The following CDK17 variants were observed in gnomAD, a reference collection of about 807,000 sequenced individuals.
CDK17 encodes the protein cyclin dependent kinase 17.
Under a neutral mutation model 77.6 loss-of-function variants are expected in CDK17, and 24 were observed. That is an observed-to-expected ratio of 0.31 (90% CI 0.22 to 0.44). The LOEUF is 0.44. Ranked by LOEUF, CDK17 falls within the 20% of genes least tolerant of loss-of-function variation. The pLI is 1.00. For synonymous variants in CDK17, 203 were observed against 210.4 expected (o/e 0.96, Z 0.30); for missense variants, 429 against 622.5 (o/e 0.69, Z 3.31).
intron 4 of CDK17, among the ~76,000 whole-genome samples, chr12:96,312,431 T>G: frequency 6.6e-6 from 1 of 152,180 alleles, no homozygotes; most frequent in African/African-American, 2.4e-5. Flanking sequence ...AAATCATCTA[T>G]AAGGTGAAGA....
At chr12:96,288,101 A>G (rs966835304) in intron 11 of CDK17, among the ~76,000 whole-genome samples, 2 of 152,190 alleles carry the variant, frequency 1.3e-5, no homozygotes, top group African/African-American at 2.4e-5. Context: ...GGAGGTAGAT[A>G]GATAGTGGTG....
Position 96,399,911 on chromosome 12 carries a change from C to G in CDK17, c.-30+75G>C, listed in dbSNP as rs1360883241. 6 of 338,882 alleles carry G rather than the reference C, an allele frequency of 1.8e-5. No homozygotes were observed. In the East Asian group the frequency reaches 2.2e-4, roughly 13 times the overall value. The allele number at this position is 338,882 out of a possible 1,614,324, so 21.0% of individuals were successfully genotyped here. On this transcript the variant is annotated intron_variant, in intron 1 of 16. Transcript: ENST00000261211. ...AGTAGCCCCCGCCCCCGCCTCTGTCCCACGCAGCCTCCCGGCCCCGCGGCC... is the reference window on the plus strand; with the variant it reads ...AGTAGCCCCCGCCCCCGCCTCTGTCGCACGCAGCCTCCCGGCCCCGCGGCC...
At chr12:96,353,360 G>A (rs1482123294) in intron 1 of CDK17, among the ~76,000 whole-genome samples, 1 of 152,092 alleles carries the variant, frequency 6.6e-6, no homozygotes, top group African/African-American at 2.4e-5. Flanking sequence ...ATACTATGTA[G>A]CAGAAATGTC....
chr12:96,285,505 G>A (rs538141046), intron 13 of CDK17, among the ~76,000 whole-genome samples: 5 of 152,224 alleles, frequency 3.3e-5, no homozygotes, highest in African/African-American at 1.2e-4. Flanking sequence ...GTTATCTCCT[G>A]AAAATGTAAT....
At position 96,308,985 on chromosome 12, in the gene CDK17, T is replaced by C. The variant is rs76100488; in HGVS notation, c.543+2067A>G. 3.5e-3 allele frequency among the ~76,000 whole-genome samples: 527 copies of C among 152,214 alleles called. 2 individuals are homozygous for C. Among genetic ancestry groups the C allele is most frequent in the African/African-American group, 0.011 (450 of 41,526 alleles). On this transcript the variant is annotated intron_variant, in intron 5 of 16. Transcript: ENST00000261211. ...GCCTCTAGTCTTTCTCTCTAATTCA[T>C]TGTTTGTACTTTTCCTAAAGCTATT...
chr12:96,290,433 G>A (rs988055109), intron 10 of CDK17, among the ~76,000 whole-genome samples: 2 of 152,122 alleles, frequency 1.3e-5, no homozygotes, highest in Non-Finnish European at 2.9e-5. Flanking sequence ...AAAGAAAAAT[G>A]TCACAAAAGA....
At chr12:96,349,322 G>A (rs1953275404) in intron 1 of CDK17, among the ~76,000 whole-genome samples, 2 of 151,912 alleles carry the variant, frequency 1.3e-5, no homozygotes, top group Admixed American at 6.6e-5. Flanking sequence ...GCATGGTGGC[G>A]CATGCCTGTA....
chr12:96,358,397 G>A (rs866188206), intron 1 of CDK17, among the ~76,000 whole-genome samples: 301 of 96,442 alleles, frequency 3.1e-3, no homozygotes, highest in African/African-American at 1.0e-2. Flanking sequence ...AAAAAAAAAA[G>A]TTTAGGGAAA....
intron 2 of CDK17, among the ~76,000 whole-genome samples, chr12:96,330,280 T>C (rs1173821446): frequency 6.6e-6 from 1 of 151,972 alleles, no homozygotes; most frequent in African/African-American, 2.4e-5. Flanking sequence ...ACATCTGTTC[T>C]GCTGCAGTGA....
chr12:96,378,514 T>C (rs1347554185), intron 1 of CDK17, among the ~76,000 whole-genome samples: 2 of 152,220 alleles, frequency 1.3e-5, no homozygotes, highest in Non-Finnish European at 2.9e-5. Flanking sequence ...TGGTTCCTTT[T>C]ACTGGAGAAT....
chr12:96,357,972 T>C (rs1051181101), intron 1 of CDK17, among the ~76,000 whole-genome samples: 2 of 152,090 alleles, frequency 1.3e-5, no homozygotes, highest in African/African-American at 2.4e-5. Context: ...ATTCATAGAA[T>C]AGAATGTTAT....
At chr12:96,398,853 AG>A (rs1241435516) in intron 1 of CDK17, among the ~76,000 whole-genome samples, 2 of 152,166 alleles carry the variant, frequency 1.3e-5, no homozygotes, top group Non-Finnish European at 2.9e-5. Context: ...ATGACCAACG[AG>A]GTGTCTTTGG....
intron 5 of CDK17, among the ~76,000 whole-genome samples, chr12:96,308,919 C>A (rs759154243): frequency 3.3e-5 from 5 of 151,934 alleles, no homozygotes; most frequent in Admixed American, 2.0e-4. Flanking sequence ...CATCTGATTG[C>A]CACATCATCC....
chr12:96,281,417 A>G (rs1952176639), intron 15 of CDK17, among the ~76,000 whole-genome samples: 1 of 152,236 alleles, frequency 6.6e-6, no homozygotes, highest in South Asian at 2.1e-4. Context: ...CACCCAGGCT[A>G]GAGTGCAGTG....
chr12:96,323,932 CAAGT>C lies in CDK17; in HGVS notation c.283+12_283+15del. On this transcript the variant is annotated intron_variant, in intron 3 of 16. Coordinates refer to ENST00000261211, the MANE Select transcript of CDK17 (RefSeq NM_002595.5). ...TAATCAGAAAGGTAAACACAACAGA[CAAGT>C]AATCAAATTACCTAATCTGCTTCCA... The C allele has an allele frequency of 6.4e-7, 1 of 1,558,008 alleles. No individual in the cohort carries two copies. Among genetic ancestry groups the C allele is most frequent in the Non-Finnish European group, 8.7e-7 (1 of 1,150,838 alleles).
At chr12:96,356,305 ATTTAT>A (rs946185685) in intron 1 of CDK17, among the ~76,000 whole-genome samples, 1 of 152,178 alleles carries the variant, frequency 6.6e-6, no homozygotes, top group African/African-American at 2.4e-5. Flanking sequence ...TATAAAATTT[ATTTAT>A]TTTGAGACAG....
At chr12:96,393,118 A>G (rs1954099903) in intron 1 of CDK17, among the ~76,000 whole-genome samples, 1 of 152,096 alleles carries the variant, frequency 6.6e-6, no homozygotes, top group African/African-American at 2.4e-5. Context: ...TAATCCCAGC[A>G]CTTTGGGAAG....
At position 96,325,703 on chromosome 12, in the gene CDK17, T is replaced by C. The variant is rs181726523; in HGVS notation, c.119-1591A>G. On this transcript the variant is annotated intron_variant, in intron 2 of 16. Transcript: ENST00000261211. ...CAGAACATGTGTCTAAAGTTTCCTG[T>C]GATCTGTACATTCCCTGGCAGTACC... Among the ~76,000 whole-genome samples the C allele has an allele frequency of 3.5e-4, 54 of 152,352 alleles. No individual in the cohort carries two copies. The East Asian group carries it at 9.4e-3, about 27-fold the overall frequency.
intron 9 of CDK17, among the ~76,000 whole-genome samples, chr12:96,296,260 TA>T (rs958383956): frequency 6.6e-6 from 1 of 151,696 alleles, no homozygotes; most frequent in African/African-American, 2.4e-5. Context: ...TTATTGCCAA[TA>T]AAAAAAGCAG....
Sources: allele counts gnomAD v4.1 joint callset (sites outside exome capture counted in the v4.1 genomes callset), GRCh38; gene constraint gnomAD v4.1.1; transcripts MANE v1.5; gene names NCBI Gene and HGNC (gene_info 2026-07-23, HGNC 2026-07-21).